TTLL5: variants seen among roughly 807,000 people sequenced by gnomAD.
TTLL5 encodes tubulin polyglutamylase TTLL5.
In TTLL5, 132 loss-of-function variants were observed where a neutral mutation model predicts 168.4. The ratio of observed to expected loss-of-function variants is 0.78; its 90% CI spans 0.68 to 0.91. The LOEUF (loss-of-function observed/expected upper bound fraction) is 0.91, where lower values mean the gene tolerates loss of function less well. Ranked by LOEUF, TTLL5 falls within the 40% of genes least tolerant of loss-of-function variation. The pLI is 0.00. For synonymous variants in TTLL5, 546 were observed against 558.6 expected, an observed-to-expected ratio of 0.98 and a Z score of 0.32; for missense variants, 1,545 against 1,581.5, an observed-to-expected ratio of 0.98 and a Z score of 0.39.
chr14:75,716,946 T>C (rs948686822), intron 9 of TTLL5, among the ~76,000 whole-genome samples: 1 of 152,224 alleles, frequency 6.6e-6, no homozygotes, highest in Non-Finnish European at 1.5e-5. Flanking sequence ...ACTGTGCCCA[T>C]ATTTATGCCG....
chr14:75,683,493 T>C (rs1421324428), intron 4 of TTLL5, 57 bp from the exon 5 acceptor site: 3 of 1,385,128 alleles, frequency 2.2e-6, no homozygotes, highest in Non-Finnish European at 3.1e-6. Context: ...TTGCTTTTCC[T>C]GGAGAAGGGG....
At chr14:75,799,245 T>C (rs1395216964) in intron 27 of TTLL5, among the ~76,000 whole-genome samples, 3 of 152,206 alleles carry the variant, frequency 2.0e-5, no homozygotes, top group East Asian at 1.9e-4. Flanking sequence ...TAAACTGTTA[T>C]TGCTTTGAAT....
chr14:75,742,264 G>A (rs113376798), intron 15 of TTLL5, among the ~76,000 whole-genome samples: 1 of 151,694 alleles, frequency 6.6e-6, no homozygotes, highest in Non-Finnish European at 1.5e-5. Context: ...CTCTCTTTAC[G>A]TAATTTGAGA....
At chr14:75,901,170 CAAA>C (rs113609174) in intron 30 of TTLL5, among the ~76,000 whole-genome samples, 2 of 152,012 alleles carry the variant, frequency 1.3e-5, no homozygotes, top group African/African-American at 4.8e-5. Flanking sequence ...ACAAATATTT[CAAA>C]AAAATTTATA....
At chr14:75,787,374 A>C (rs749280642) in intron 26 of TTLL5, among the ~76,000 whole-genome samples, 40 of 152,234 alleles carry the variant, frequency 2.6e-4, no homozygotes, top group Non-Finnish European at 4.9e-4. Flanking sequence ...ATATATGCTG[A>C]AATAGGCTTG....
intron 27 of TTLL5, among the ~76,000 whole-genome samples, chr14:75,795,019 T>TGA (rs1892926640): frequency 6.6e-6 from 1 of 152,030 alleles, no homozygotes; most frequent in African/African-American, 2.4e-5. Flanking sequence ...GACTCCTGTG[T>TGA]GATATTGGGC....
chr14:75,767,551 C>G (rs28572528), intron 20 of TTLL5, among the ~76,000 whole-genome samples: 3 of 152,080 alleles, frequency 2.0e-5, no homozygotes, highest in African/African-American at 4.8e-5. Flanking sequence ...GCCCAGACAT[C>G]GTAATGAGCT....
intron 28 of TTLL5, among the ~76,000 whole-genome samples, chr14:75,859,382 G>A (rs1897295036): frequency 6.6e-6 from 1 of 152,208 alleles, no homozygotes; most frequent in Non-Finnish European, 1.5e-5. Flanking sequence ...TAAATGGATA[G>A]GCTATTAAGA....
chr14:75,844,080 A>G (rs1445760477), intron 28 of TTLL5, among the ~76,000 whole-genome samples: 1 of 151,512 alleles, frequency 6.6e-6, no homozygotes, highest in Non-Finnish European at 1.5e-5. Flanking sequence ...ATGGGGTTTC[A>G]CCATATTGGC....
In TTLL5 at chr14:75,764,647, TAGAG is replaced by T. The variant is rs587777469; in HGVS notation, c.1586_1589del (p.Glu529ValfsTer2). 1.2e-6 allele frequency: 2 copies of T among 1,614,148 alleles called. No homozygotes were observed. Among genetic ancestry groups the T allele is most frequent in the Non-Finnish European group, 1.7e-6 (2 of 1,179,980 alleles). On this transcript the variant is annotated frameshift_variant, in exon 19 of 32. Transcript: ENST00000298832. LOFTEE classifies it high-confidence loss of function. ...GCTGATGGAGCGCCAGAATTGAAGA[TAGAG>T]AGTCTGAATTCAAAGGCCAAGCTGC...
intron 31 of TTLL5, among the ~76,000 whole-genome samples, chr14:75,925,735 C>T (rs1318415233): frequency 6.6e-6 from 1 of 151,996 alleles, no homozygotes; most frequent in Non-Finnish European, 1.5e-5. Flanking sequence ...GCCGAGATCA[C>T]GCCACTGCAC....
intron 28 of TTLL5, chr14:75,838,571 A>C (rs1896015411): frequency 6.6e-6 from 1 of 151,926 alleles, no homozygotes; most frequent in Non-Finnish European, 1.5e-5. Context: ...CAAAAAAAAA[A>C]AAACAAAAAG....
chr14:75,727,801 A>G (rs1362248915), intron 12 of TTLL5: 1 of 493,224 alleles, frequency 2.0e-6, no homozygotes, highest in South Asian at 1.5e-5. Flanking sequence ...GTGAAATTCT[A>G]GAATAAGCAA....
At chr14:75,892,048 C>A (rs1305032943) in intron 30 of TTLL5, among the ~76,000 whole-genome samples, 1 of 152,174 alleles carries the variant, frequency 6.6e-6, no homozygotes, top group Non-Finnish European at 1.5e-5. Flanking sequence ...TGATTTGGTT[C>A]TGCTGGTGAG....
At chr14:75,890,285 G>C (rs576732670) in intron 30 of TTLL5, among the ~76,000 whole-genome samples, 39 of 152,296 alleles carry the variant, frequency 2.6e-4, no homozygotes, top group Admixed American at 2.4e-3. Context: ...AAGAAAAACA[G>C]ATTTAAGGAA....
intron 30 of TTLL5, among the ~76,000 whole-genome samples, chr14:75,885,735 G>A (rs1204494093): frequency 6.6e-6 from 1 of 152,112 alleles, no homozygotes; most frequent in African/African-American, 2.4e-5. Flanking sequence ...CTTGTTCCTA[G>A]CCAGCATAGC....
chr14:75,838,367 A>G (rs1175536057), intron 28 of TTLL5: 1 of 152,068 alleles, frequency 6.6e-6, no homozygotes, highest in African/African-American at 2.4e-5. Flanking sequence ...ATCCTGGCTA[A>G]CACAGTGAAA....
intron 28 of TTLL5, among the ~76,000 whole-genome samples, chr14:75,825,049 A>G (rs1005536929): frequency 2.0e-5 from 3 of 152,186 alleles, no homozygotes; most frequent in South Asian, 2.1e-4. Context: ...TTTCTGAACC[A>G]TAATTTCCCC....
intron 27 of TTLL5, among the ~76,000 whole-genome samples, chr14:75,812,646 T>C (rs189172931): frequency 8.5e-4 from 129 of 152,346 alleles, no homozygotes; most frequent in African/African-American, 3.0e-3. Flanking sequence ...TGTTGTTTTG[T>C]AACTTGTCTT....
Sources: allele counts gnomAD v4.1 joint callset (sites outside exome capture counted in the v4.1 genomes callset), GRCh38; gene constraint gnomAD v4.1.1; transcripts MANE v1.5; gene names NCBI Gene and HGNC (gene_info 2026-07-23, HGNC 2026-07-21).